The following RAB11FIP4 variants were observed in gnomAD, a reference collection of about 807,000 sequenced individuals.
The protein encoded by RAB11FIP4 is rab11 family-interacting protein 4.
RAB11FIP4 carries 23 observed loss-of-function variants against 74.3 expected under a neutral mutation model. That is an observed-to-expected ratio of 0.31 (90% confidence interval 0.22 to 0.44). The LOEUF (loss-of-function observed/expected upper bound fraction) is 0.44, where lower values mean the gene tolerates loss of function less well. RAB11FIP4 is among the 20% of genes least tolerant of loss of function. The pLI, the probability that RAB11FIP4 is intolerant of heterozygous loss-of-function variation, is 1.00. For missense variants in RAB11FIP4, 630 were observed against 863.9 expected, an observed-to-expected ratio of 0.73 and a Z score of 3.39; for synonymous variants, 360 against 359.9, an observed-to-expected ratio of 1.00 and a Z score of 0.00.
chr17:31,414,047 G>C (rs993704439), intron 1 of RAB11FIP4, among the ~76,000 whole-genome samples: 1 of 152,176 alleles, frequency 6.6e-6, no homozygotes, highest in African/African-American at 2.4e-5. Context: ...TGTGTCAGCT[G>C]CCAGGCTGTC....
chr17:31,482,773 GCTGAACTTC>G (rs2071861987), intron 3 of RAB11FIP4, among the ~76,000 whole-genome samples: 1 of 152,106 alleles, frequency 6.6e-6, no homozygotes, highest in South Asian at 2.1e-4. Context: ...AAGAGTTGTA[GCTGAACTTC>G]CTGAGCGTGG....
intron 3 of RAB11FIP4, among the ~76,000 whole-genome samples, chr17:31,503,558 T>C (rs1480702507): frequency 1.3e-5 from 2 of 149,524 alleles, no homozygotes; most frequent in South Asian, 2.1e-4. Context: ...GGCCCATGGG[T>C]GAGGGACCCC....
chr17:31,510,253 G>A (rs1204268643), intron 3 of RAB11FIP4, among the ~76,000 whole-genome samples: 5 of 152,200 alleles, frequency 3.3e-5, no homozygotes, highest in Admixed American at 2.0e-4. Context: ...GGCCCATCTC[G>A]TTCCAGAGCT....
intron 1 of RAB11FIP4, among the ~76,000 whole-genome samples, chr17:31,408,270 A>G (rs917916694): frequency 3.9e-5 from 6 of 152,230 alleles, no homozygotes; most frequent in Non-Finnish European, 8.8e-5. Flanking sequence ...TGAAGAATGT[A>G]ACACATTTTT....
At chr17:31,493,977 C>T (rs60594245) in intron 3 of RAB11FIP4, among the ~76,000 whole-genome samples, 56,611 of 152,070 alleles carry the variant, frequency 0.37, 11,575 homozygotes, top group East Asian at 0.53. Flanking sequence ...GTTCATCCAC[C>T]CCCCTGCTTT....
At chr17:31,490,141 C>T (rs1341896637) in intron 3 of RAB11FIP4, among the ~76,000 whole-genome samples, 1 of 152,128 alleles carries the variant, frequency 6.6e-6, no homozygotes, top group Non-Finnish European at 1.5e-5. Context: ...TTGAGATACT[C>T]CACCGGCCCT....
intron 1 of RAB11FIP4, among the ~76,000 whole-genome samples, chr17:31,399,970 G>A (rs1044354788): frequency 6.6e-6 from 1 of 151,650 alleles, no homozygotes; most frequent in Non-Finnish European, 1.5e-5. Flanking sequence ...TTAAACCCAG[G>A]AGGAGGAGGT....
intron 3 of RAB11FIP4, among the ~76,000 whole-genome samples, chr17:31,473,215 C>T (rs2071756981): frequency 6.6e-6 from 1 of 151,916 alleles, no homozygotes; most frequent in Non-Finnish European, 1.5e-5. Context: ...GGGCTTTTAG[C>T]TGGGAAATGA....
chr17:31,488,132 C>A, intron 3 of RAB11FIP4: 1 of 1,038,288 alleles, frequency 9.6e-7, no homozygotes, highest in Non-Finnish European at 1.2e-6. Flanking sequence ...GTGCGAGCGG[C>A]AGCGGCGCGG....
chr17:31,528,738 G>A lies in RAB11FIP4; in HGVS notation c.1613G>A (p.Arg538His), dbSNP rs374416247. The part of the protein sequence containing the change: ...SGLGEFNARA[R>H]EVELEHEVKR... ...CTAGGCGAGTTCAATGCCAGGGCCC[G>A]CGAGGTGGAGCTCGAGCACGAGGTC... The change falls in exon 13 of 15, where the codon CGC (arginine) becomes CAC (histidine). Residue 538 changes from arginine (R) to histidine (H), a missense_variant. By Grantham distance (29) the Arg-to-His change is conservative. Coordinates refer to ENST00000621161, the MANE Select transcript of RAB11FIP4 (RefSeq NM_032932.6). 14 of 1,611,076 alleles carry A rather than the reference G, an allele frequency of 8.7e-6. No homozygotes were observed. In the East Asian group the frequency reaches 8.9e-5, roughly 10 times the overall value.
intron 3 of RAB11FIP4, among the ~76,000 whole-genome samples, chr17:31,448,154 C>T (rs145140817): frequency 6.6e-6 from 1 of 152,174 alleles, no homozygotes; most frequent in Non-Finnish European, 1.5e-5. Context: ...GCTGCTCTTT[C>T]GAGTCCCACT....
At chr17:31,523,414 C>A (rs1177497280) in intron 7 of RAB11FIP4, 98 bp from the exon 8 acceptor site, 1 of 946,436 alleles carries the variant, frequency 1.1e-6, no homozygotes, top group Non-Finnish European at 1.7e-6. Flanking sequence ...AAGGGGCAGA[C>A]CCCCTGGGGT....
intron 4 of RAB11FIP4, 149 bp downstream of exon 4, chr17:31,518,026 T>C: frequency 1.5e-6 from 1 of 653,300 alleles, no homozygotes; most frequent in East Asian, 2.7e-5. Context: ...AGCACAAGAT[T>C]CTAAGCAGAC....
intron 6 of RAB11FIP4, 144 bp from the exon 7 acceptor site, chr17:31,522,216 C>A (rs2072680872): frequency 7.9e-7 from 1 of 1,263,994 alleles, no homozygotes; most frequent in Non-Finnish European, 1.1e-6. Context: ...CAGGCTGTTT[C>A]TTCTCAGGAC....
chr17:31,522,287 C>G, intron 6 of RAB11FIP4, 73 bp from the exon 7 acceptor site: 1 of 1,514,992 alleles, frequency 6.6e-7, no homozygotes, highest in Non-Finnish European at 9.1e-7. Context: ...ACTGTGGTGT[C>G]TTACAGCTAG....
intron 1 of RAB11FIP4, 63 bp downstream of exon 1, chr17:31,392,074 CAGCTCCCCCGCCGGGT>C: frequency 3.5e-6 from 4 of 1,134,326 alleles, no homozygotes; most frequent in South Asian, 3.9e-5. Flanking sequence ...GCCCCTCCCC[CAGCTCCCCCGCCGGGT>C]CACCCGCGTG....
rs369128917 is a variant in RAB11FIP4 at position 31,514,354 on chromosome 17, C to T, written c.337-3297C>T. 1.5e-3 allele frequency among the ~76,000 whole-genome samples: 224 copies of T among 152,324 alleles called. 1 individual carries two copies. The highest frequency in any genetic ancestry group is 4.2e-3 in the African/African-American group (173 of 41,574). On this transcript the variant is annotated intron_variant, in intron 3 of 14. Transcript: ENST00000621161. Reference sequence around the variant, plus strand: ...AGTGGCCAGAGGCCACGTCAGACACCTGAGGAGCAAGGACGCTGATCTGCA... The same window carrying T: ...AGTGGCCAGAGGCCACGTCAGACACTTGAGGAGCAAGGACGCTGATCTGCA...
In RAB11FIP4 at chr17:31,533,836, C is replaced by T. The variant is rs904846623; in HGVS notation, c.*2104C>T. 6.6e-6 allele frequency: 1 copy of T among 152,190 alleles called. No individual in the cohort carries two copies. The highest frequency in any genetic ancestry group is 1.5e-5 in the Non-Finnish European group (1 of 68,036). 9.4% of individuals were successfully genotyped at this position (152,190 alleles called of 1,614,324 possible). On this transcript the variant is annotated 3_prime_UTR_variant, in exon 15 of 15. Transcript: ENST00000621161. ...AACAGGCTCCGGAGGGAGCCGGCGT[C>T]TGAAAGGCCCCCGGGACCTGCTGCA...
chr17:31,391,788 G>A lies in RAB11FIP4; in HGVS notation c.-65G>A. On this transcript the variant is annotated 5_prime_UTR_variant, in exon 1 of 15. Transcript: ENST00000621161. ...CGGCCCCGGAGGGCGCGCGGCGATG[G>A]CGGCGGCGGGCAGGCGGCGGGCGCG... The A allele has an allele frequency of 3.1e-6, 3 of 969,998 alleles. No homozygotes were observed. The highest frequency in any genetic ancestry group is 3.7e-6 in the Non-Finnish European group (3 of 818,330). 60.1% of individuals were successfully genotyped at this position (969,998 alleles called of 1,614,324 possible).
Sources: allele counts gnomAD v4.1 joint callset (sites outside exome capture counted in the v4.1 genomes callset), GRCh38; gene constraint gnomAD v4.1.1; transcripts MANE v1.5; gene names NCBI Gene and HGNC (gene_info 2026-07-23, HGNC 2026-07-21).